The following XPO7 variants were observed in gnomAD, a reference collection of about 807,000 sequenced individuals.
The protein encoded by XPO7 is exportin 7, also known as exportin-7.
Under a neutral mutation model 144.3 loss-of-function variants are expected in XPO7, and 21 were observed. That is an observed-to-expected ratio of 0.15 (90% CI 0.10 to 0.21). The LOEUF (loss-of-function observed/expected upper bound fraction) is 0.21. XPO7 is among the 10% of genes least tolerant of loss of function. The pLI is 1.00. For synonymous variants in XPO7, 580 were observed against 499.6 expected, an observed-to-expected ratio of 1.16 and a Z score of -2.15; for missense variants, 808 against 1,325.8, an observed-to-expected ratio of 0.61 and a Z score of 6.06.
At chr8:21,960,358 G>A (rs553568350) in intron 1 of XPO7, among the ~76,000 whole-genome samples, 7 of 152,284 alleles carry the variant, frequency 4.6e-5, no homozygotes, top group South Asian at 4.1e-4. Flanking sequence ...CCTCTGCACC[G>A]TTAGAGACTA....
chr8:21,955,289 T>C (rs751107728), intron 1 of XPO7, among the ~76,000 whole-genome samples: 4 of 152,178 alleles, frequency 2.6e-5, no homozygotes, highest in Non-Finnish European at 5.9e-5. Context: ...GCCAGGTATA[T>C]GGGGTTTTTT....
At chr8:21,969,348 C>G (rs997863569) in intron 2 of XPO7, 135 bp from the exon 3 acceptor site, 2 of 694,824 alleles carry the variant, frequency 2.9e-6, no homozygotes, top group African/African-American at 3.6e-5. Context: ...GCAGTAGACC[C>G]TCTAAAATCC....
At chr8:21,998,201 GGAGGCT>G (rs1813016199) in intron 21 of XPO7, among the ~76,000 whole-genome samples, 1 of 152,186 alleles carries the variant, frequency 6.6e-6, no homozygotes, top group South Asian at 2.1e-4. Flanking sequence ...CAGCACTTTG[GGAGGCT>G]GAGGCGGGCG....
Position 21,966,950 on chromosome 8 carries a change from A to C in XPO7, c.112A>C (p.Thr38Pro). ...GGCAGAGAAAGCCTTGGTTGAATTT[A>C]CCAACAGCCCTGATTGCCTGAGCAA... ...LQAEKALVEF[T>P]NSPDCLSKCQ... Residue 38 changes from threonine to proline, a missense_variant, in exon 2 of 28, where the codon ACC becomes CCC. Thr to Pro is a conservative substitution (Grantham distance 38). Coordinates refer to ENST00000252512, the MANE Select transcript of XPO7 (RefSeq NM_015024.5). 6.2e-7 allele frequency: 1 copy of C among 1,614,036 alleles called. No homozygotes were observed. Among genetic ancestry groups the C allele is most frequent in the Non-Finnish European group, 8.5e-7 (1 of 1,179,900 alleles).
chr8:21,982,248 A>T (rs1218306481), intron 10 of XPO7, among the ~76,000 whole-genome samples: 1 of 152,164 alleles, frequency 6.6e-6, no homozygotes, highest in African/African-American at 2.4e-5. Flanking sequence ...GGCTTGTATC[A>T]CAGTCATCTA....
At chr8:21,924,162 G>C (rs1409422504) in intron 1 of XPO7, among the ~76,000 whole-genome samples, 1 of 152,138 alleles carries the variant, frequency 6.6e-6, no homozygotes, top group Non-Finnish European at 1.5e-5. Flanking sequence ...TTGTCTGGAG[G>C]CTGCAGTTCT....
intron 3 of XPO7, 42 bp from the exon 4 acceptor site, chr8:21,970,102 C>T: frequency 2.5e-6 from 4 of 1,588,134 alleles, no homozygotes; most frequent in Non-Finnish European, 3.4e-6. Flanking sequence ...GCAGAGCTTT[C>T]TATTATGTGG....
intron 1 of XPO7, among the ~76,000 whole-genome samples, chr8:21,926,097 C>G (rs1810450860): frequency 6.6e-6 from 1 of 152,048 alleles, no homozygotes; most frequent in Non-Finnish European, 1.5e-5. Context: ...AGAAATGATT[C>G]TCACTTAAAA....
chr8:21,963,753 G>C (rs549057834), intron 1 of XPO7, among the ~76,000 whole-genome samples: 2 of 151,398 alleles, frequency 1.3e-5, no homozygotes, highest in Non-Finnish European at 2.9e-5. Context: ...TATACACAAA[G>C]TAAAATCTGA....
rs986135302 is a variant in XPO7 at position 21,994,291 on chromosome 8, G to A, written c.2149-72G>A. 52 of 1,131,890 alleles carry A rather than the reference G, an allele frequency of 4.6e-5. No homozygotes were observed. The African/African-American group carries it at 7.8e-4, about 17-fold the overall frequency. 70.1% of individuals were successfully genotyped at this position (1,131,890 alleles called of 1,614,324 possible). ...AGAGAAAGAATTTGATGATACATGT[G>A]TGGAATCCTCATCAGATTGTTACAG... is the stretch of plus-strand genomic sequence containing the variant. On this transcript the variant is annotated intron_variant, in intron 19 of 27. Coordinates refer to ENST00000252512, the MANE Select transcript of XPO7 (RefSeq NM_015024.5).
intron 23 of XPO7, 64 bp from the exon 24 acceptor site, chr8:21,999,472 C>A: frequency 1.3e-6 from 2 of 1,599,992 alleles, no homozygotes; most frequent in South Asian, 1.1e-5. Flanking sequence ...TATTTAAGAT[C>A]GTCTCCCTGC....
intron 1 of XPO7, among the ~76,000 whole-genome samples, chr8:21,937,556 C>T (rs1810860919): frequency 6.6e-6 from 1 of 152,178 alleles, no homozygotes; most frequent in African/African-American, 2.4e-5. Flanking sequence ...TCTGTCACTG[C>T]AGTGTCCCCA....
chr8:21,961,060 T>A (rs1811710875), intron 1 of XPO7, among the ~76,000 whole-genome samples: 1 of 152,150 alleles, frequency 6.6e-6, no homozygotes, highest in Admixed American at 6.5e-5. Flanking sequence ...GCACACAAAT[T>A]AAGAAATGAA....
rs1813053857 is a variant in XPO7 at position 21,999,185 on chromosome 8, T to C, written c.2523T>C (p.Ala841=). The C allele has an allele frequency of 6.2e-7, 1 of 1,614,036 alleles. No individual in the cohort carries two copies. Among genetic ancestry groups the C allele is most frequent in the Middle Eastern group, 1.6e-4 (1 of 6,062 alleles). The change falls in exon 23 of 28, where the codon GCT becomes GCC. Residue 841 remains alanine (A), a synonymous_variant. Transcript: ENST00000252512. ...CCATCTGCTTCTCCATGCTGAAGGCTGCTCTCAGTGGGAGTTACGTCAATT... is the reference window on the plus strand; with the variant it reads ...CCATCTGCTTCTCCATGCTGAAGGCCGCTCTCAGTGGGAGTTACGTCAATT... ...GISICFSMLK[A]ALSGSYVNFG...
intron 1 of XPO7, among the ~76,000 whole-genome samples, chr8:21,954,777 CT>C (rs1415260378): frequency 3.3e-5 from 5 of 152,184 alleles, no homozygotes; most frequent in Non-Finnish European, 5.9e-5. Flanking sequence ...TTATACAACT[CT>C]TTCTCATATT....
intron 1 of XPO7, among the ~76,000 whole-genome samples, chr8:21,944,020 A>AC (rs1471419945): frequency 1.3e-5 from 2 of 152,228 alleles, no homozygotes; most frequent in Non-Finnish European, 2.9e-5. Context: ...CTCTCTGAAT[A>AC]CCCTCATATA....
In XPO7 at chr8:21,968,941, T is replaced by G. The variant is rs528066922; in HGVS notation, c.166-542T>G. Among the ~76,000 whole-genome samples the G allele has an allele frequency of 5.3e-5, 8 of 152,372 alleles. No individual in the cohort carries two copies. The South Asian group carries it at 1.7e-3, about 32-fold the overall frequency. On this transcript the variant is annotated intron_variant, in intron 2 of 27. Coordinates refer to ENST00000252512, the MANE Select transcript of XPO7 (RefSeq NM_015024.5). ...TCACAAATAACCTTAAGTTTACTTT[T>G]AAACTATCATATACATTCCCCAGCC...
intron 1 of XPO7, among the ~76,000 whole-genome samples, chr8:21,944,374 C>T (rs1199807745): frequency 6.6e-6 from 1 of 152,148 alleles, no homozygotes; most frequent in Non-Finnish European, 1.5e-5. Flanking sequence ...TCGAGACCAG[C>T]CTGGCCAACG....
At chr8:21,920,300 A>G (rs1810233372) in intron 1 of XPO7, among the ~76,000 whole-genome samples, 1 of 149,304 alleles carries the variant, frequency 6.7e-6, no homozygotes, top group African/African-American at 2.5e-5. Context: ...GAGACCCCCC[A>G]GCAACCCCGG....
Sources: allele counts gnomAD v4.1 joint callset (sites outside exome capture counted in the v4.1 genomes callset), GRCh38; gene constraint gnomAD v4.1.1; transcripts MANE v1.5; gene names NCBI Gene and HGNC (gene_info 2026-07-23, HGNC 2026-07-21).